The following PDE4D variants were observed in gnomAD, a reference collection of about 807,000 sequenced individuals.
PDE4D encodes the protein phosphodiesterase 4D.
Under a neutral mutation model 87.4 loss-of-function variants are expected in PDE4D, and 24 were observed. That is an observed-to-expected ratio of 0.27 (90% CI 0.20 to 0.39). The LOEUF is 0.39. Ranked by LOEUF, PDE4D falls within the 10% of genes least tolerant of loss-of-function variation. PDE4D has a pLI of 1.00. For missense variants in PDE4D, 714 were observed against 1,041.0 expected (o/e 0.69, Z 4.32); for synonymous variants, 384 against 383.2 (o/e 1.00, Z -0.02).
At chr5:59,221,892 T>C (rs1752651442) in intron 1 of PDE4D, among the ~76,000 whole-genome samples, 1 of 152,208 alleles carries the variant, frequency 6.6e-6, no homozygotes, top group Non-Finnish European at 1.5e-5. Flanking sequence ...ATGCACACAA[T>C]TCTTAAAAGA....
chr5:60,125,729 C>G (rs2149387503), intron 2 of PDE4D, among the ~76,000 whole-genome samples: 1 of 152,222 alleles, frequency 6.6e-6, no homozygotes, highest in South Asian at 2.1e-4. Context: ...TTCCCAGTAC[C>G]TAGAAGAATT....
chr5:59,879,943 G>A (rs933634708), intron 1 of PDE4D, among the ~76,000 whole-genome samples: 3 of 152,112 alleles, frequency 2.0e-5, no homozygotes, highest in Non-Finnish European at 4.4e-5. Flanking sequence ...GTTTCACCAT[G>A]TTGGTCAGGC....
intron 11 of PDE4D, among the ~76,000 whole-genome samples, chr5:58,983,883 T>C (rs890998330): frequency 6.6e-6 from 1 of 152,178 alleles, no homozygotes; most frequent in African/African-American, 2.4e-5. Context: ...AAGGAATACA[T>C]TGCCTCCCAA....
At chr5:59,762,233 CGTATATGT>C (rs1311288739) in intron 1 of PDE4D, among the ~76,000 whole-genome samples, 149 of 96,188 alleles carry the variant, frequency 1.5e-3, no homozygotes, top group African/African-American at 2.0e-3. Context: ...TACACATATG[CGTATATGT>C]GTATATGGGT....
intron 1 of PDE4D, among the ~76,000 whole-genome samples, chr5:60,199,385 A>C (rs974069791): frequency 6.6e-6 from 1 of 151,692 alleles, no homozygotes; most frequent in Non-Finnish European, 1.5e-5. Flanking sequence ...TGTGGCACCC[A>C]TCTGGCACCT....
At chr5:59,842,963 A>C (rs1018725084) in intron 1 of PDE4D, among the ~76,000 whole-genome samples, 13 of 152,040 alleles carry the variant, frequency 8.6e-5, no homozygotes, top group African/African-American at 3.1e-4. Flanking sequence ...ACATAATTTC[A>C]ATTTCTAGAA....
intron 3 of PDE4D, among the ~76,000 whole-genome samples, chr5:59,930,118 T>C (rs6876569): frequency 0.69 from 97,843 of 142,326 alleles, 34,885 homozygotes; most frequent in African/African-American, 0.91. Flanking sequence ...GCCGAGATCG[T>C]GCCACTGCAC....
Position 58,969,353 on chromosome 5 carries a change from G to C in PDE4D, c.*5311C>G, listed in dbSNP as rs1742205923. ...ATCTCACACAGGATGGTTAGCAATG[G>C]CTCTGCGGCTCCAGGCCCTGCCTAC... On this transcript the variant is annotated 3_prime_UTR_variant, in exon 15 of 15. Transcript: ENST00000340635. 6.6e-6 allele frequency: 1 copy of C among 152,204 alleles called. No individual in the cohort carries two copies. Among genetic ancestry groups the C allele is most frequent in the African/African-American group, 2.4e-5 (1 of 41,446 alleles). 9.4% of individuals were successfully genotyped at this position (152,204 alleles called of 1,614,324 possible).
intron 2 of PDE4D, among the ~76,000 whole-genome samples, chr5:60,091,148 A>G (rs1775069304): frequency 6.6e-6 from 1 of 152,240 alleles, no homozygotes. Flanking sequence ...AAAACTAGAC[A>G]ATGGAATTAC....
chr5:59,883,078 C>T (rs1749682186), intron 1 of PDE4D, among the ~76,000 whole-genome samples: 1 of 152,212 alleles, frequency 6.6e-6, no homozygotes, highest in African/African-American at 2.4e-5. Flanking sequence ...GATGCCCAGC[C>T]TCTCTTATTC....
chr5:59,867,968 T>C (rs191085185), intron 1 of PDE4D, among the ~76,000 whole-genome samples: 5 of 152,288 alleles, frequency 3.3e-5, no homozygotes, highest in Non-Finnish European at 5.9e-5. Flanking sequence ...ATGAGTATCT[T>C]TTGATACTGA....
chr5:59,526,113 C>A (rs1367032215), intron 1 of PDE4D, among the ~76,000 whole-genome samples: 1 of 152,112 alleles, frequency 6.6e-6, no homozygotes, highest in Non-Finnish European at 1.5e-5. Context: ...CACAATGGAG[C>A]AATGCAGCAC....
rs1377522311 is a variant in PDE4D at position 60,431,439 on chromosome 5, G to A, written c.-90+56503C>T. 5.9e-5 allele frequency among the ~76,000 whole-genome samples: 9 copies of A among 151,550 alleles called. 1 individual carries two copies. The highest frequency in any genetic ancestry group is 1.2e-4 in the African/African-American group (5 of 41,294). ...GCGCTCCTCACATCCCAGACGGGGC[G>A]GCGGGGCAGAGGCTCTCCCCACATC... On this transcript the variant is annotated intron_variant, in intron 1 of 16. Transcript: ENST00000502484.
intron 1 of PDE4D, among the ~76,000 whole-genome samples, chr5:59,663,167 G>GTT (rs918303906): frequency 4.2e-4 from 62 of 148,552 alleles, no homozygotes; most frequent in Non-Finnish European, 7.8e-4. Flanking sequence ...ATTTTTCTTT[G>GTT]TTTTTTTTTT....
chr5:59,965,272 AC>A lies in PDE4D; in HGVS notation c.272+23215del, dbSNP rs34695730. Among the ~76,000 whole-genome samples, 685 of 152,236 alleles carry A rather than the reference AC, an allele frequency of 4.5e-3. 9 individuals are homozygous for A. Among genetic ancestry groups the A allele is most frequent in the Non-Finnish European group, 5.6e-3 (378 of 68,014 alleles). ...CTGTTAATTCCTCAACTTAAAAAAA[AC>A]AATCTTGGCTCACATTGTCCTTCAC... On this transcript the variant is annotated intron_variant, in intron 3 of 16. Coordinates refer to the PDE4D transcript ENST00000502484.
intron 1 of PDE4D, among the ~76,000 whole-genome samples, chr5:59,718,723 C>T (rs1485519284): frequency 6.6e-6 from 1 of 152,072 alleles, no homozygotes; most frequent in Non-Finnish European, 1.5e-5. Context: ...TTCTTATTTT[C>T]ACAGTGATGA....
At chr5:59,543,599 T>C (rs1437260087) in intron 1 of PDE4D, among the ~76,000 whole-genome samples, 1 of 152,106 alleles carries the variant, frequency 6.6e-6, no homozygotes. Context: ...GCTGGTTCAT[T>C]CAGAAAAGAT....
In PDE4D at chr5:59,576,279, T is replaced by C. The variant is rs75357920; in HGVS notation, c.455+316889A>G. 8.4e-3 allele frequency among the ~76,000 whole-genome samples: 1,274 copies of C among 152,184 alleles called. 18 individuals are homozygous for C. Among genetic ancestry groups the C allele is most frequent in the Non-Finnish European group, 8.9e-3 (608 of 67,996 alleles). On this transcript the variant is annotated intron_variant, in intron 1 of 14. Coordinates refer to ENST00000340635, the MANE Select transcript of PDE4D (RefSeq NM_001104631.2). ...GACCCAAGGTTGCACCCTTAGTAAG[T>C]AGATAACAAGCCCTTGCCACAGACT...
At chr5:60,108,456 T>C (rs1196404234) in intron 2 of PDE4D, among the ~76,000 whole-genome samples, 8 of 152,198 alleles carry the variant, frequency 5.3e-5, no homozygotes, top group African/African-American at 1.9e-4. Flanking sequence ...AAAGATTCAA[T>C]GCCATCCCCA....
Sources: allele counts gnomAD v4.1 joint callset (sites outside exome capture counted in the v4.1 genomes callset), GRCh38; gene constraint gnomAD v4.1.1; transcripts MANE v1.5; gene names NCBI Gene and HGNC (gene_info 2026-07-23, HGNC 2026-07-21).